The following ZFPM2 variants were observed in gnomAD, a reference collection of about 807,000 sequenced individuals.
The protein encoded by ZFPM2 is zinc finger protein, FOG family member 2.
ZFPM2 carries 20 observed loss-of-function variants against 98.6 expected under a neutral mutation model. That is an observed-to-expected ratio of 0.20 (90% CI 0.14 to 0.29). The LOEUF (loss-of-function observed/expected upper bound fraction) is 0.29, where lower values mean the gene tolerates loss of function less well. Among genes scored for constraint, ZFPM2 ranks in the 10% least tolerant of loss-of-function variants. ZFPM2 has a pLI of 1.00. For synonymous variants in ZFPM2, 518 were observed against 502.7 expected, an observed-to-expected ratio of 1.03 and a Z score of -0.41; for missense variants, 1,310 against 1,388.6, an observed-to-expected ratio of 0.94 and a Z score of 0.90.
intron 1 of ZFPM2, among the ~76,000 whole-genome samples, chr8:105,383,314 G>A (rs1191291491): frequency 1.3e-5 from 2 of 152,136 alleles, no homozygotes; most frequent in Non-Finnish European, 1.5e-5. Context: ...TTGACTGGAT[G>A]CTTGTTGAAT....
In ZFPM2 at chr8:105,491,904, A is replaced by G. The variant is rs545462323; in HGVS notation, c.301+47523A>G. Among the ~76,000 whole-genome samples, 7 of 152,302 alleles carry G rather than the reference A, an allele frequency of 4.6e-5. No individual in the cohort carries two copies. In the South Asian group the frequency reaches 1.5e-3, roughly 32 times the overall value. On this transcript the variant is annotated intron_variant, in intron 3 of 7. Transcript: ENST00000407775. ...TGATGTGTAGTATTTAAACATATGA[A>G]ACTTAAAATCCTGAATTTTAATTAA...
At chr8:105,326,789 T>A (rs1461482541) in intron 1 of ZFPM2, among the ~76,000 whole-genome samples, 1 of 151,202 alleles carries the variant, frequency 6.6e-6, no homozygotes, top group African/African-American at 2.4e-5. Context: ...AGTCTGATAT[T>A]TTCATGGAGG....
At chr8:105,469,190 A>G (rs1401424205) in intron 3 of ZFPM2, among the ~76,000 whole-genome samples, 1 of 152,156 alleles carries the variant, frequency 6.6e-6, no homozygotes, top group African/African-American at 2.4e-5. Context: ...AGTTTTGCCA[A>G]CTTCAAGGTG....
At chr8:105,482,740 G>A (rs775986542) in intron 3 of ZFPM2, among the ~76,000 whole-genome samples, 12 of 151,916 alleles carry the variant, frequency 7.9e-5, no homozygotes, top group Non-Finnish European at 1.5e-4. Context: ...ACATGAATTT[G>A]TTTCCTAATA....
Position 105,614,839 on chromosome 8 carries a change from G to T in ZFPM2, c.421-19407G>T, listed in dbSNP as rs184870261. The stretch of plus-strand genomic sequence containing the variant: ...CTATTCACAGCAATTAAATGAGAGG[G>T]GTTTTGAAAATTCTCCAGTTTATTT... On this transcript the variant is annotated intron_variant, in intron 4 of 7. Coordinates refer to ENST00000407775, the MANE Select transcript of ZFPM2 (RefSeq NM_012082.4). Among the ~76,000 whole-genome samples the T allele has an allele frequency of 6.4e-3, 966 of 152,078 alleles. 2 individuals carry two copies. Among genetic ancestry groups the T allele is most frequent in the Non-Finnish European group, 0.01 (690 of 67,998 alleles).
chr8:105,418,942 T>C, intron 1 of ZFPM2: 1 of 610,068 alleles, frequency 1.6e-6, no homozygotes, highest in South Asian at 2.0e-5. Flanking sequence ...CTTCTGACAC[T>C]GGTTTCCTTG....
intron 3 of ZFPM2, among the ~76,000 whole-genome samples, chr8:105,523,980 A>G (rs1209135384): frequency 6.6e-6 from 1 of 152,192 alleles, no homozygotes; most frequent in East Asian, 1.9e-4. Flanking sequence ...TCCCTGAGCA[A>G]GTCTCTAAAA....
chr8:105,666,710 C>A (rs768723477), intron 5 of ZFPM2, among the ~76,000 whole-genome samples: 2 of 152,062 alleles, frequency 1.3e-5, no homozygotes, highest in Non-Finnish European at 2.9e-5. Context: ...ACTGATGGTG[C>A]AAGAGCAATG....
intron 5 of ZFPM2, among the ~76,000 whole-genome samples, chr8:105,721,872 A>C (rs1367708200): frequency 6.6e-6 from 1 of 151,962 alleles, no homozygotes; most frequent in Non-Finnish European, 1.5e-5. Flanking sequence ...TATGGTAGCC[A>C]CTTGCCACTT....
chr8:105,495,494 T>C (rs1813449346), intron 3 of ZFPM2, among the ~76,000 whole-genome samples: 1 of 151,312 alleles, frequency 6.6e-6, no homozygotes, highest in Non-Finnish European at 1.5e-5. Context: ...TTATTTGACA[T>C]GTTTCTTAAC....
chr8:105,489,467 T>TATATATATATATATATATA (rs372429625), intron 3 of ZFPM2, among the ~76,000 whole-genome samples: 2 of 88,038 alleles, frequency 2.3e-5, no homozygotes, highest in African/African-American at 1.1e-4. Flanking sequence ...TATATATATA[T>TATATATATATATATATATA]TTTTTTTTTT....
At chr8:105,687,109 G>C (rs1810755957) in intron 5 of ZFPM2, among the ~76,000 whole-genome samples, 2 of 152,082 alleles carry the variant, frequency 1.3e-5, no homozygotes, top group Non-Finnish European at 2.9e-5. Flanking sequence ...TTTTCCCTTT[G>C]TCTGGCTAAA....
At chr8:105,530,306 A>G (rs977170751) in intron 3 of ZFPM2, among the ~76,000 whole-genome samples, 3 of 152,190 alleles carry the variant, frequency 2.0e-5, no homozygotes, top group Non-Finnish European at 2.9e-5. Flanking sequence ...TTAGTCTGGC[A>G]ACAGTCTGAT....
intron 5 of ZFPM2, among the ~76,000 whole-genome samples, chr8:105,721,606 C>T (rs1811667241): frequency 6.6e-6 from 1 of 151,904 alleles, no homozygotes; most frequent in South Asian, 2.1e-4. Flanking sequence ...TGCCAGGTTA[C>T]AGTTTTTTTG....
chr8:105,638,819 A>G, intron 5 of ZFPM2, among the ~76,000 whole-genome samples: 1 of 152,122 alleles, frequency 6.6e-6, no homozygotes, highest in South Asian at 2.1e-4. Flanking sequence ...ATAAAATTGT[A>G]TTATATCACT....
At chr8:105,458,422 T>TA (rs932154798) in intron 3 of ZFPM2, among the ~76,000 whole-genome samples, 31 of 148,866 alleles carry the variant, frequency 2.1e-4, no homozygotes, top group South Asian at 4.3e-4. Flanking sequence ...GAATGAAATT[T>TA]AAAAAAAAAA....
intron 5 of ZFPM2, among the ~76,000 whole-genome samples, chr8:105,696,129 A>G (rs1250695530): frequency 6.6e-6 from 1 of 152,168 alleles, no homozygotes; most frequent in African/African-American, 2.4e-5. Context: ...TTATTTTGAG[A>G]GTCTCTGCTG....
chr8:105,552,833 T>A (rs932619213), intron 3 of ZFPM2, among the ~76,000 whole-genome samples: 1 of 145,058 alleles, frequency 6.9e-6, no homozygotes, highest in Non-Finnish European at 1.5e-5. Flanking sequence ...TTTTTTTTTT[T>A]AAAGACAGGA....
At chr8:105,499,492 G>T (rs1407397190) in intron 3 of ZFPM2, among the ~76,000 whole-genome samples, 2 of 152,148 alleles carry the variant, frequency 1.3e-5, no homozygotes, top group Middle Eastern at 3.2e-3. Flanking sequence ...CATAGTCAGA[G>T]GAATTTCAGG....
Sources: gnomAD v4.1 joint callset for allele counts (sites outside exome capture counted in the v4.1 genomes callset) on GRCh38, gnomAD v4.1.1 for gene constraint, MANE v1.5 for transcripts, NCBI Gene and HGNC (gene_info 2026-07-23, HGNC 2026-07-21) for gene names.